Variants in UBE2L3 observed in about 807,000 individuals in gnomAD.
UBE2L3 encodes the protein ubiquitin-conjugating enzyme E2 L3.
In UBE2L3, 1 loss-of-function variant was observed where a neutral mutation model predicts 17.8. The ratio of observed to expected loss-of-function variants is 0.06; its 90% confidence interval spans 0.02 to 0.27. The LOEUF (loss-of-function observed/expected upper bound fraction) is 0.27, where lower values mean the gene tolerates loss of function less well. Ranked by LOEUF, UBE2L3 falls within the 10% of genes least tolerant of loss-of-function variation. The probability of loss-of-function intolerance (pLI) is 1.00; values close to 1 mark genes in which losing one functional copy is unlikely to be tolerated. For missense variants in UBE2L3, 40 were observed against 192.6 expected, an observed-to-expected ratio of 0.21 and a Z score of 4.69; for synonymous variants, 44 against 68.5, an observed-to-expected ratio of 0.64 and a Z score of 1.76.
chr22:21,567,512 A>C (rs988063363), upstream of UBE2L3: 128 of 837,016 alleles, frequency 1.5e-4, no homozygotes, highest in African/African-American at 2.1e-3. Context: ...TGTGCCAGGC[A>C]CTGGTTGTAA....
chr22:21,597,620 C>G (rs1423840912), intron 2 of UBE2L3, among the ~76,000 whole-genome samples: 6 of 151,632 alleles, frequency 4.0e-5, no homozygotes, highest in African/African-American at 1.5e-4. Flanking sequence ...TAAAGAAGTC[C>G]AATTTATCTA....
intron 2 of UBE2L3, among the ~76,000 whole-genome samples, chr22:21,603,573 G>T (rs1003808626): frequency 6.8e-6 from 1 of 146,630 alleles, no homozygotes; most frequent in African/African-American, 2.5e-5. Flanking sequence ...GCTGGTCGCC[G>T]TGGCTCACGC....
At chr22:21,579,281 C>A (rs373376351) in intron 1 of UBE2L3, among the ~76,000 whole-genome samples, 127 of 152,168 alleles carry the variant, frequency 8.3e-4, no homozygotes, top group African/African-American at 3.0e-3. Context: ...CGTGAGCCAC[C>A]ATGCCCAGCC....
intron 2 of UBE2L3, among the ~76,000 whole-genome samples, chr22:21,606,296 G>A (rs1052055258): frequency 5.1e-5 from 7 of 138,228 alleles, no homozygotes; most frequent in East Asian, 3.0e-4. Context: ...GAAAGTGTGC[G>A]CGCGCGCGTG....
upstream of UBE2L3, among the ~76,000 whole-genome samples, chr22:21,565,948 C>A (rs1361398189): frequency 6.7e-6 from 1 of 150,072 alleles, no homozygotes; most frequent in African/African-American, 2.4e-5. Context: ...ACCTCCATTC[C>A]CCATTTTCCA....
chr22:21,590,112 T>G (rs746689021), intron 1 of UBE2L3, among the ~76,000 whole-genome samples: 1 of 152,234 alleles, frequency 6.6e-6, no homozygotes, highest in Non-Finnish European at 1.5e-5. Context: ...TTTTTCACTC[T>G]CATGTTACAG....
chr22:21,574,703 A>G (rs1927167614), intron 1 of UBE2L3, among the ~76,000 whole-genome samples: 1 of 152,196 alleles, frequency 6.6e-6, no homozygotes. Context: ...GCGGTGGCTC[A>G]TGCCTGTAAT....
intron 1 of UBE2L3, among the ~76,000 whole-genome samples, chr22:21,582,016 A>G (rs1927666226): frequency 2.7e-5 from 4 of 150,580 alleles, no homozygotes; most frequent in Non-Finnish European, 5.9e-5. Flanking sequence ...GCTACTCAGG[A>G]GGCTGAGGCA....
intron 2 of UBE2L3, among the ~76,000 whole-genome samples, chr22:21,595,365 A>G (rs893210465): frequency 6.6e-6 from 1 of 152,146 alleles, no homozygotes; most frequent in African/African-American, 2.4e-5. Flanking sequence ...TTGTACCCCA[A>G]CCTGGGCTTT....
At position 21,623,301 on chromosome 22, in the gene UBE2L3, A is replaced by G. The variant is rs898685257; in HGVS notation, c.*1632A>G. The G allele has an allele frequency of 2.0e-5, 3 of 152,634 alleles. No individual in the cohort carries two copies. The highest frequency in any genetic ancestry group is 4.8e-5 in the African/African-American group (2 of 41,446). The allele number at this position is 152,634 out of a possible 1,614,324, so 9.5% of individuals were successfully genotyped here. On this transcript the variant is annotated 3_prime_UTR_variant, in exon 4 of 4. Transcript: ENST00000342192. Reference sequence around the variant, plus strand: ...GGCGCATGGCCCCTGCGGTGTGTACACGAACTCGGCTTCTTTTGTCCTAGG... The same window carrying G: ...GGCGCATGGCCCCTGCGGTGTGTACGCGAACTCGGCTTCTTTTGTCCTAGG...
chr22:21,581,360 CCTT>C (rs1927626447), intron 1 of UBE2L3, among the ~76,000 whole-genome samples: 1 of 152,080 alleles, frequency 6.6e-6, no homozygotes, highest in Non-Finnish European at 1.5e-5. Flanking sequence ...ATTTTGTTAT[CCTT>C]ATTATTTGTA....
intron 2 of UBE2L3, among the ~76,000 whole-genome samples, chr22:21,607,002 G>T (rs910545519): frequency 1.3e-5 from 2 of 152,134 alleles, no homozygotes; most frequent in Non-Finnish European, 2.9e-5. Flanking sequence ...CTCTGCCTGG[G>T]AGGCCTCTTC....
intron 3 of UBE2L3, among the ~76,000 whole-genome samples, chr22:21,620,763 C>G (rs1350851097): frequency 2.0e-5 from 3 of 152,136 alleles, no homozygotes; most frequent in African/African-American, 7.2e-5. Flanking sequence ...TCAGAAACTC[C>G]TAAGGGTCTT....
chr22:21,567,914 G>C (rs771027501), intron 1 of UBE2L3, 143 bp downstream of exon 1: 17 of 1,499,164 alleles, frequency 1.1e-5, no homozygotes, highest in Non-Finnish European at 1.4e-5. Context: ...CCGCGCGCAG[G>C]CTCAAGGTGC....
rs867090883 is a variant in UBE2L3 at position 21,598,559 on chromosome 22, T to A, written c.123+5603T>A. On this transcript the variant is annotated intron_variant, in intron 2 of 3. Transcript: ENST00000342192. ...CCCTTTCCTTTTTTTTTTTTTTTTT[T>A]AAATAAATAGAGATGGGGGCTGGGT... is the stretch of plus-strand genomic sequence containing the variant. Among the ~76,000 whole-genome samples, 261 of 144,142 alleles carry A rather than the reference T, an allele frequency of 1.8e-3. 1 individual carries two copies. Among genetic ancestry groups the A allele is most frequent in the Middle Eastern group, 6.9e-3 (2 of 288 alleles). 94.6% of individuals were successfully genotyped at this position (144,142 alleles called of 152,430 possible).
At chr22:21,605,629 C>G (rs1929118475) in intron 2 of UBE2L3, among the ~76,000 whole-genome samples, 1 of 152,180 alleles carries the variant, frequency 6.6e-6, no homozygotes, top group Non-Finnish European at 1.5e-5. Flanking sequence ...CCTCAGCCTC[C>G]CAAGTAGCTG....
intron 1 of UBE2L3, among the ~76,000 whole-genome samples, chr22:21,591,037 G>A (rs1928237001): frequency 6.6e-6 from 1 of 152,182 alleles, no homozygotes; most frequent in Admixed American, 6.5e-5. Context: ...AGTCTGCCCA[G>A]GCTTCATAAT....
chr22:21,561,306 T>A (rs1228216842), intron 1 of UBE2L3, among the ~76,000 whole-genome samples: 4 of 152,292 alleles, frequency 2.6e-5, no homozygotes, highest in Non-Finnish European at 5.9e-5. Flanking sequence ...CTAGGTGTGG[T>A]GGCTAACACC....
rs35054754 is a variant in UBE2L3 at position 21,597,775 on chromosome 22, ATTTTTTTTTT to A, written c.123+4842_123+4851del. The stretch of plus-strand genomic sequence containing the variant: ...GGATCTTTGATCCATTTATATGTAG[ATTTTTTTTTT>A]TTTTTTTTTTTTTTTTTTTTTTGAG... On this transcript the variant is annotated intron_variant, in intron 2 of 3. Transcript: ENST00000342192. Among the ~76,000 whole-genome samples, 204 of 25,588 alleles carry A rather than the reference ATTTTTTTTTT, an allele frequency of 8.0e-3. 1 individual carries two copies. The highest frequency in any genetic ancestry group is 0.026 in the African/African-American group (168 of 6,502). The allele number at this position is 25,588 out of a possible 152,430, so 16.8% of individuals were successfully genotyped here. A position where few individuals can be genotyped will look rare whatever the true frequency, so the allele number is the denominator to read the frequency against.
Sources: gnomAD v4.1 joint callset for allele counts (sites outside exome capture counted in the v4.1 genomes callset) on GRCh38, gnomAD v4.1.1 for gene constraint, MANE v1.5 for transcripts, NCBI Gene and HGNC (gene_info 2026-07-23, HGNC 2026-07-21) for gene names.